CCDC57: variants seen among roughly 807,000 people sequenced by gnomAD.
CCDC57 encodes the protein coiled-coil domain-containing protein 57.
In CCDC57, 118 loss-of-function variants were observed where a neutral mutation model predicts 118.9. The observed-to-expected ratio is 0.99, with a 90% confidence interval of 0.86 to 1.16. CCDC57 has a LOEUF of 1.16. Ranked by LOEUF, CCDC57 falls within the 50% of genes most tolerant of loss-of-function variation. CCDC57 has a pLI of 0.00. For synonymous variants in CCDC57, 527 were observed against 532.9 expected, an observed-to-expected ratio of 0.99 and a Z score of 0.15; for missense variants, 1,300 against 1,320.7, an observed-to-expected ratio of 0.98 and a Z score of 0.24.
At chr17:82,129,877 C>A (rs538111875) in intron 17 of CCDC57, among the ~76,000 whole-genome samples, 1 of 150,558 alleles carries the variant, frequency 6.6e-6, no homozygotes, top group Admixed American at 6.6e-5. Flanking sequence ...GGCAACAGAG[C>A]GAAACTCTGT....
chr17:82,138,300 C>G (rs181239541), intron 16 of CCDC57, among the ~76,000 whole-genome samples: 20 of 151,782 alleles, frequency 1.3e-4, no homozygotes, highest in Admixed American at 2.6e-4. Flanking sequence ...AGGTGCCCAC[C>G]ACCACGCCTG....
At chr17:82,149,229 G>T (rs1312409596) in intron 16 of CCDC57, among the ~76,000 whole-genome samples, 1 of 139,408 alleles carries the variant, frequency 7.2e-6, no homozygotes, top group Non-Finnish European at 1.6e-5. Context: ...GGGTGGGTGG[G>T]TAGATGGGTA....
intron 1 of CCDC57, among the ~76,000 whole-genome samples, chr17:82,210,747 C>G (rs929044584): frequency 1.3e-5 from 2 of 149,728 alleles, no homozygotes; most frequent in Non-Finnish European, 3.0e-5. Context: ...GTAATCCTAG[C>G]ACTTTGGGAG....
chr17:82,205,775 C>T (rs769153479), intron 2 of CCDC57, among the ~76,000 whole-genome samples: 1 of 152,204 alleles, frequency 6.6e-6, no homozygotes, highest in Non-Finnish European at 1.5e-5. Context: ...GCAAGTGACT[C>T]GGTGCAGCAC....
intron 19 of CCDC57, among the ~76,000 whole-genome samples, chr17:82,119,806 A>G (rs545823076): frequency 2.0e-5 from 3 of 152,150 alleles, no homozygotes; most frequent in South Asian, 2.1e-4. Flanking sequence ...TGGGAGACCT[A>G]TCTATCTGAG....
rs572134695 is a variant in CCDC57 at position 82,118,230 on chromosome 17, G to A, written c.2899+9462C>T. Reference sequence around the variant, plus strand: ...CTGGGGAGTCTGGAGGGGTGCAGGGGGACTGGGCAGTTGTGGCCTGGTGGG... The same window carrying A: ...CTGGGGAGTCTGGAGGGGTGCAGGGAGACTGGGCAGTTGTGGCCTGGTGGG... On this transcript the variant is annotated intron_variant, in intron 19 of 19. Coordinates refer to ENST00000665763, the Ensembl canonical transcript of CCDC57. This position sits in a 1 kb window ranked among gnomAD's most constrained non-coding sequence, Gnocchi z 4.7. 5.3e-5 allele frequency among the ~76,000 whole-genome samples: 8 copies of A among 152,318 alleles called. No individual in the cohort carries two copies. The highest frequency in any genetic ancestry group is 1.9e-4 in the African/African-American group (8 of 41,560).
At chr17:82,197,094 C>T (rs1288194169) in intron 4 of CCDC57, among the ~76,000 whole-genome samples, 1 of 150,354 alleles carries the variant, frequency 6.7e-6, no homozygotes, top group Admixed American at 6.6e-5. Context: ...GTGACTCCTG[C>T]ACCTGCAGAC....
chr17:82,180,929 C>A (rs567800978), intron 9 of CCDC57, among the ~76,000 whole-genome samples: 1 of 152,232 alleles, frequency 6.6e-6, no homozygotes, highest in Admixed American at 6.5e-5. Context: ...GATGAACACA[C>A]GAGCGGTGCG....
chr17:82,148,218 A>G, intron 16 of CCDC57, among the ~76,000 whole-genome samples: 1 of 136,676 alleles, frequency 7.3e-6, no homozygotes, highest in Non-Finnish European at 1.6e-5. Context: ...AGATGGATGG[A>G]TGGATGGGTG....
At chr17:82,146,721 A>C (rs1343859214) in intron 16 of CCDC57, among the ~76,000 whole-genome samples, 1 of 152,252 alleles carries the variant, frequency 6.6e-6, no homozygotes, top group East Asian at 1.9e-4. Flanking sequence ...GGATGTGTGC[A>C]TGCATGCACA....
At chr17:82,108,454 C>T (rs2144899384) in intron 19 of CCDC57, among the ~76,000 whole-genome samples, 1 of 152,338 alleles carries the variant, frequency 6.6e-6, no homozygotes, top group East Asian at 1.9e-4. Flanking sequence ...CCTAAAACAA[C>T]AGTGAGTTTC....
chr17:82,120,583 T>C (rs2036542565), intron 19 of CCDC57, among the ~76,000 whole-genome samples: 1 of 152,188 alleles, frequency 6.6e-6, no homozygotes, highest in Non-Finnish European at 1.5e-5. Context: ...GAAGTAAAAA[T>C]ATCACACAGA....
intron 13 of CCDC57, among the ~76,000 whole-genome samples, chr17:82,169,247 C>A (rs932348871): frequency 6.6e-6 from 1 of 152,164 alleles, no homozygotes; most frequent in Non-Finnish European, 1.5e-5. Flanking sequence ...CTGCCTCAGC[C>A]TCCCAAGTGG....
chr17:82,170,571 G>GAGCACGCAGGGGGAGAGTCCACA (rs2044562953), intron 13 of CCDC57, among the ~76,000 whole-genome samples: 1 of 149,316 alleles, frequency 6.7e-6, no homozygotes, highest in East Asian at 2.0e-4. Flanking sequence ...GAGGAGTCAC[G>GAGCACGCAGGGGGAGAGTCCACA]TGAGCACGCA....
At chr17:82,162,967 C>T (rs1422489121) in intron 14 of CCDC57, among the ~76,000 whole-genome samples, 1 of 152,250 alleles carries the variant, frequency 6.6e-6, no homozygotes, top group Non-Finnish European at 1.5e-5. Context: ...GCTGCCTCCA[C>T]TGCCTAGACC....
chr17:82,184,071 A>G, intron 8 of CCDC57, 139 bp from the exon 8 acceptor site: 1 of 589,348 alleles, frequency 1.7e-6, no homozygotes, highest in Non-Finnish European at 3.0e-6. Flanking sequence ...ACACACACAC[A>G]CACACACACA....
chr17:82,108,909 C>G (rs1376296278), intron 19 of CCDC57: 1 of 152,206 alleles, frequency 6.6e-6, no homozygotes, highest in Non-Finnish European at 1.5e-5. Context: ...GGCGCGTGCT[C>G]ACACTCTTTA....
chr17:82,207,497 G>T (rs756451795), intron 2 of CCDC57: 3 of 152,104 alleles, frequency 2.0e-5, no homozygotes, highest in Non-Finnish European at 2.9e-5. Context: ...GCACTCCATG[G>T]ATCAGCTGGC....
intron 2 of CCDC57, among the ~76,000 whole-genome samples, chr17:82,207,075 G>C (rs904942115): frequency 1.3e-5 from 2 of 152,192 alleles, no homozygotes; most frequent in African/African-American, 4.8e-5. Context: ...CAGGTGCAGT[G>C]ACTGGCCCCG....
Sources: gnomAD v4.1 joint callset for allele counts (sites outside exome capture counted in the v4.1 genomes callset) on GRCh38, gnomAD v4.1.1 for gene constraint, Gnocchi (gnomAD v3.1) non-coding constraint, MANE v1.5 for transcripts, NCBI Gene and HGNC (gene_info 2026-07-23, HGNC 2026-07-21) for gene names.